NDST4: variants seen among roughly 807,000 people sequenced by gnomAD.
NDST4 encodes the protein N-deacetylase and N-sulfotransferase 4, also known as N-heparan sulfate sulfotransferase 4.
A neutral mutation model predicts 100.8 loss-of-function variants in NDST4; 63 were observed. The ratio of observed to expected loss-of-function variants is 0.62; its 90% CI spans 0.51 to 0.77. NDST4 has a LOEUF of 0.77. Ranked by LOEUF, NDST4 falls within the 30% of genes least tolerant of loss-of-function variation. The probability of loss-of-function intolerance (pLI) is 0.00; values close to 1 mark genes in which losing one functional copy is unlikely to be tolerated. For missense variants in NDST4, 943 were observed against 1,018.4 expected, an observed-to-expected ratio of 0.93 and a Z score of 1.01; for synonymous variants, 377 against 361.8, an observed-to-expected ratio of 1.04 and a Z score of -0.48.
intron 4 of NDST4, among the ~76,000 whole-genome samples, chr4:114,941,528 G>T (rs1725750351): frequency 6.6e-6 from 1 of 151,980 alleles, no homozygotes. Context: ...AGCCTTTTAG[G>T]AGTACTCAAG....
intron 2 of NDST4, among the ~76,000 whole-genome samples, chr4:114,985,181 A>C (rs1301421592): frequency 6.6e-6 from 1 of 152,136 alleles, no homozygotes; most frequent in African/African-American, 2.4e-5. Flanking sequence ...AATCACACTC[A>C]ATCTGAAAAA....
At chr4:114,931,070 C>G (rs1460564224) in intron 6 of NDST4, among the ~76,000 whole-genome samples, 1 of 152,008 alleles carries the variant, frequency 6.6e-6, no homozygotes, top group African/African-American at 2.4e-5. Flanking sequence ...CTACTGAGAT[C>G]TCCAGCCAGA....
chr4:114,854,096 G>T (rs1363322396), intron 7 of NDST4, among the ~76,000 whole-genome samples: 1 of 151,896 alleles, frequency 6.6e-6, no homozygotes, highest in African/African-American at 2.4e-5. Context: ...ACCCATTAAC[G>T]ATCCCCATTC....
chr4:114,852,878 C>G, intron 7 of NDST4, 57 bp from the exon 8 acceptor site: 1 of 1,230,876 alleles, frequency 8.1e-7, no homozygotes, highest in Non-Finnish European at 1.1e-6. Flanking sequence ...GCTCTGTTCT[C>G]TAAAAATTGT....
intron 2 of NDST4, among the ~76,000 whole-genome samples, chr4:115,034,754 C>T (rs1728196668): frequency 6.6e-6 from 1 of 152,008 alleles, no homozygotes; most frequent in Non-Finnish European, 1.5e-5. Flanking sequence ...ACCAAATGCT[C>T]CCTCAGCCTG....
At chr4:115,075,629 A>G (rs1729162246) in intron 2 of NDST4, among the ~76,000 whole-genome samples, 1 of 152,024 alleles carries the variant, frequency 6.6e-6, no homozygotes, top group Non-Finnish European at 1.5e-5. Flanking sequence ...TACTTAAAAT[A>G]CAAAAATTAG....
intron 2 of NDST4, among the ~76,000 whole-genome samples, chr4:115,034,300 A>G (rs1387268348): frequency 2.0e-5 from 3 of 152,026 alleles, no homozygotes; most frequent in Admixed American, 1.3e-4. Flanking sequence ...CTGCCCTGCT[A>G]GCCGATGCCG....
intron 6 of NDST4, among the ~76,000 whole-genome samples, chr4:114,922,084 C>CGG (rs934579445): frequency 6.6e-6 from 1 of 152,168 alleles, no homozygotes; most frequent in Admixed American, 6.5e-5. Context: ...CGGCCACCAT[C>CGG]GGGTGATGGT....
chr4:114,986,325 T>C (rs540432431), intron 2 of NDST4, among the ~76,000 whole-genome samples: 12 of 152,268 alleles, frequency 7.9e-5, no homozygotes, highest in Non-Finnish European at 1.6e-4. Flanking sequence ...CTTTGACTCC[T>C]TTCCTAGTAG....
chr4:114,904,625 T>C (rs1344046654), intron 6 of NDST4, among the ~76,000 whole-genome samples: 1 of 151,936 alleles, frequency 6.6e-6, no homozygotes, highest in African/African-American at 2.4e-5. Context: ...AGCTGAATGT[T>C]ATATGGATTT....
intron 11 of NDST4, among the ~76,000 whole-genome samples, chr4:114,838,723 G>A (rs1486006451): frequency 5.3e-5 from 8 of 151,992 alleles, no homozygotes; most frequent in Admixed American, 1.3e-4. Context: ...TGTAGGTGAC[G>A]GATTGATGGG....
chr4:114,935,325 G>C lies in NDST4; in HGVS notation c.1417C>G (p.Arg473Gly). ...FIHNSIMVLP[R>G]QTCGLFTHTI... ...TGAGTGAACAACCCACAAGTCTGTC[G>C]AGGGAGGACCTGAGTAAAAAAGGGG... The change falls in exon 6 of 14, where the codon CGA becomes GGA. Residue 473 changes from arginine to glycine, a missense_variant. This residue lies in a region of NDST4 where 526 missense variants were observed against 634.1 expected (regional missense o/e 0.83). Coordinates refer to ENST00000264363, the MANE Select transcript of NDST4 (RefSeq NM_022569.3). 1 of 1,600,480 alleles carries C rather than the reference G, an allele frequency of 6.2e-7. No individual in the cohort carries two copies. Among genetic ancestry groups the C allele is most frequent in the Non-Finnish European group, 8.5e-7 (1 of 1,174,114 alleles).
At chr4:115,005,148 T>C (rs529174407) in intron 2 of NDST4, among the ~76,000 whole-genome samples, 1 of 152,330 alleles carries the variant, frequency 6.6e-6, no homozygotes, top group Admixed American at 6.5e-5. Flanking sequence ...TTTCTATTCA[T>C]TGTTTGCTAA....
At chr4:115,048,627 G>A (rs544729919) in intron 2 of NDST4, among the ~76,000 whole-genome samples, 1 of 147,182 alleles carries the variant, frequency 6.8e-6, no homozygotes, top group East Asian at 2.1e-4. Context: ...ATTTTGATTT[G>A]CATTTCTCTG....
chr4:115,014,079 C>G lies in NDST4; in HGVS notation c.979-36805G>C, dbSNP rs548177952. On this transcript the variant is annotated intron_variant, in intron 2 of 13. Transcript: ENST00000264363. ...TGTGGTTTTATTGCTTGAGAAACAG[C>G]ACAACCTCTTGTACTTGTTATGCAG... Among the ~76,000 whole-genome samples the G allele has an allele frequency of 1.1e-4, 16 of 152,162 alleles. No homozygotes were observed. The South Asian group carries it at 3.3e-3, about 32-fold the overall frequency.
intron 2 of NDST4, among the ~76,000 whole-genome samples, chr4:115,062,702 T>G (rs1374164372): frequency 6.6e-6 from 1 of 151,406 alleles, no homozygotes; most frequent in Non-Finnish European, 1.5e-5. Context: ...GCAAACTACA[T>G]AAAAAAGAAA....
intron 6 of NDST4, among the ~76,000 whole-genome samples, chr4:114,914,198 C>A (rs1187515800): frequency 6.6e-6 from 1 of 151,716 alleles, no homozygotes; most frequent in African/African-American, 2.4e-5. Context: ...GGTATCAGGG[C>A]ATTGGGGGGA....
intron 4 of NDST4, among the ~76,000 whole-genome samples, chr4:114,940,118 G>T (rs140686683): frequency 6.6e-6 from 1 of 152,058 alleles, no homozygotes; most frequent in Non-Finnish European, 1.5e-5. Flanking sequence ...ATATAGACAC[G>T]TAAATGACAG....
intron 2 of NDST4, among the ~76,000 whole-genome samples, chr4:115,001,618 G>A (rs909874221): frequency 1.3e-5 from 2 of 151,526 alleles, no homozygotes; most frequent in African/African-American, 4.9e-5. Context: ...ATAATTATAC[G>A]CTCCACTCTA....
Sources: gnomAD v4.1 joint callset for allele counts (sites outside exome capture counted in the v4.1 genomes callset) on GRCh38, gnomAD v4.1.1 for gene constraint, gnomAD v4.1.1 regional missense constraint, MANE v1.5 for transcripts, NCBI Gene and HGNC (gene_info 2026-07-23, HGNC 2026-07-21) for gene names.